The following SYNE1 variants were observed in gnomAD, a reference collection of about 807,000 sequenced individuals.
SYNE1 encodes spectrin repeat containing nuclear envelope protein 1.
SYNE1 carries 616 observed loss-of-function variants against 1,111.0 expected under a neutral mutation model. That is an observed-to-expected ratio of 0.55 (90% confidence interval 0.52 to 0.59). The LOEUF (loss-of-function observed/expected upper bound fraction) is 0.59. Among genes scored for constraint, SYNE1 ranks in the 20% least tolerant of loss-of-function variants. The probability of loss-of-function intolerance (pLI) is 0.00; values close to 1 mark genes in which losing one functional copy is unlikely to be tolerated. For missense variants in SYNE1, 10,006 were observed against 10,417.0 expected (o/e 0.96, Z 1.72); for synonymous variants, 3,855 against 3,825.8 (o/e 1.01, Z -0.28).
chr6:152,188,957 CAAAAAAAAAAA>C (rs1159424311), intron 128 of SYNE1, among the ~76,000 whole-genome samples: 10 of 49,074 alleles, frequency 2.0e-4, no homozygotes, highest in East Asian at 9.6e-4. Context: ...GACTCTGTCT[CAAAAAAAAAAA>C]AAAAAAAAAA....
rs1432189429 is a variant in SYNE1 at position 152,404,114 on chromosome 6, T to C, written c.6825+99A>G. 36 of 716,950 alleles carry C rather than the reference T, an allele frequency of 5.0e-5. No homozygotes were observed. In the African/African-American group the frequency reaches 6.2e-4, roughly 12 times the overall value. 44.4% of individuals were successfully genotyped at this position (716,950 alleles called of 1,614,324 possible). On this transcript the variant is annotated intron_variant, in intron 46 of 145. Transcript: ENST00000367255. ...GATATAGATATATGAGATATATATATATACACACACACACACACACACAGA... is the reference window on the plus strand; with the variant it reads ...GATATAGATATATGAGATATATATACATACACACACACACACACACACAGA...
At chr6:152,442,351 A>C in intron 30 of SYNE1, 106 bp from the exon 31 acceptor site, 2 of 1,349,668 alleles carry the variant, frequency 1.5e-6, no homozygotes, top group Non-Finnish European at 2.1e-6. Flanking sequence ...TGGGCCCGAA[A>C]TGTATTTTAA....
rs75463550 is a variant in SYNE1 at position 152,549,706 on chromosome 6, A to G, written c.68-9685T>C. Reference sequence around the variant, plus strand: ...TACAGCTGTGGGCTTGAGGGAAAAGATGAGTTAAGAGAATTTTTAGGGAGT... The same window carrying G: ...TACAGCTGTGGGCTTGAGGGAAAAGGTGAGTTAAGAGAATTTTTAGGGAGT... On this transcript the variant is annotated intron_variant, in intron 3 of 145. Coordinates refer to ENST00000367255, the MANE Select transcript of SYNE1 (RefSeq NM_182961.4). 7.7e-3 allele frequency among the ~76,000 whole-genome samples: 1,180 copies of G among 152,296 alleles called. 21 individuals carry two copies. Among genetic ancestry groups the G allele is most frequent in the African/African-American group, 0.027 (1,126 of 41,562 alleles).
intron 8 of SYNE1, among the ~76,000 whole-genome samples, chr6:152,508,590 T>A (rs562484521): frequency 2.6e-5 from 4 of 152,318 alleles, no homozygotes; most frequent in Non-Finnish European, 2.9e-5. Context: ...GACCACAGAA[T>A]ATCACCTTGA....
At chr6:152,454,053 C>CTGA (rs2098674728) in intron 24 of SYNE1, among the ~76,000 whole-genome samples, 1 of 152,128 alleles carries the variant, frequency 6.6e-6, no homozygotes, top group Non-Finnish European at 1.5e-5. Flanking sequence ...CTTCGGTTCC[C>CTGA]CTTTGGTGAA....
chr6:152,365,543 T>C (rs543183847), intron 62 of SYNE1, among the ~76,000 whole-genome samples: 1 of 152,278 alleles, frequency 6.6e-6, no homozygotes, highest in Non-Finnish European at 1.5e-5. Flanking sequence ...CACTGCAGCC[T>C]CAAACCCCTG....
intron 100 of SYNE1, among the ~76,000 whole-genome samples, chr6:152,267,735 C>T (rs894434363): frequency 6.6e-6 from 1 of 152,286 alleles, no homozygotes; most frequent in East Asian, 1.9e-4. Context: ...CAGTGAGATA[C>T]AATCATTCAG....
intron 130 of SYNE1, 51 bp from the exon 131 acceptor site, chr6:152,164,376 G>A: frequency 6.2e-7 from 1 of 1,608,304 alleles, no homozygotes; most frequent in South Asian, 1.1e-5. Flanking sequence ...GCCCACTCAT[G>A]TTTCTCTAGC....
chr6:152,401,223 T>C lies in SYNE1; in HGVS notation c.6944A>G (p.Asp2315Gly), dbSNP rs1395736433. 6.2e-6 allele frequency: 10 copies of C among 1,614,196 alleles called. No homozygotes were observed. The highest frequency in any genetic ancestry group is 5.0e-5 in the Admixed American group (3 of 60,024). Residue 2315 changes from aspartate to glycine, a missense_variant, in exon 47 of 146, where the codon GAC (aspartate) becomes GGC (glycine). By Grantham distance (94) the Asp-to-Gly change is moderately conservative (BLOSUM62 -1). Transcript: ENST00000367255. ...CACTTTTGTGAACCATGTTGTTATG[T>C]CATTAATAAACTTCTCCACTTGTGT... ...QSTQVEKFIN[D>G]ITTWFTKVEE...
intron 104 of SYNE1, among the ~76,000 whole-genome samples, chr6:152,251,737 T>C (rs1253173147): frequency 4.0e-5 from 6 of 151,596 alleles, no homozygotes; most frequent in Non-Finnish European, 8.8e-5. Context: ...CCAGCCTGGG[T>C]GACAGAGCGA....
Position 152,441,153 on chromosome 6 carries a change from A to G in SYNE1, c.4126T>C (p.Ser1376Pro), listed in dbSNP as rs1260597261. The G allele has an allele frequency of 6.2e-7, 1 of 1,613,726 alleles. No homozygotes were observed. Among genetic ancestry groups the G allele is most frequent in the Admixed American group, 1.7e-5 (1 of 60,020 alleles). Reference sequence around the variant, plus strand: ...ACCTTTGTTTGTTCCAGTTCTGAAGATAAACTTTCCAAACTGCTAAAACTC... The same window carrying G: ...ACCTTTGTTTGTTCCAGTTCTGAAGGTAAACTTTCCAAACTGCTAAAACTC... Reference protein sequence around the residue: ...FLSFSSLESLSSELEQTKEFS... With the variant: ...FLSFSSLESLPSELEQTKEFS... Residue 1376 changes from serine (S) to proline (P), a missense_variant, in exon 32 of 146, where the codon TCT (serine) becomes CCT (proline). Transcript: ENST00000367255.
intron 16 of SYNE1, among the ~76,000 whole-genome samples, chr6:152,470,694 A>G (rs2098800733): frequency 6.6e-6 from 1 of 152,182 alleles, no homozygotes; most frequent in Non-Finnish European, 1.5e-5. Context: ...AAGTACTTCA[A>G]GCAGAACATG....
chr6:152,318,958 G>A lies in SYNE1; in HGVS notation c.16294C>T (p.Arg5432Trp), dbSNP rs575137601. The A allele has an allele frequency of 1.9e-5, 30 of 1,614,122 alleles. No homozygotes were observed. The highest frequency in any genetic ancestry group is 1.2e-4 in the South Asian group (11 of 91,068). ...QSKATSQELS[R>W]QIQKLAKDLT... is the part of the protein sequence containing the mutation. The stretch of plus-strand genomic sequence containing the variant: ...TCTTTAGCTAACTTCTGAATTTGCC[G>A]GCTGAGTTCCTGGCTCGTGGCCTTG... The change falls in exon 85 of 146, where the codon CGG becomes TGG. Residue 5432 changes from arginine (R) to tryptophan (W), a missense_variant. By Grantham distance (101) the Arg-to-Trp change is moderately radical. Transcript: ENST00000367255.
intron 3 of SYNE1, among the ~76,000 whole-genome samples, chr6:152,545,700 T>C (rs549761301): frequency 2.6e-5 from 4 of 152,230 alleles, no homozygotes; most frequent in African/African-American, 9.6e-5. Flanking sequence ...CATGCATTGA[T>C]ACATTTATAG....
intron 3 of SYNE1, among the ~76,000 whole-genome samples, chr6:152,591,709 C>G (rs760551586): frequency 5.9e-5 from 9 of 152,090 alleles, no homozygotes; most frequent in Non-Finnish European, 1.3e-4. Flanking sequence ...AATCTATCAA[C>G]AGAGCAAACA....
intron 8 of SYNE1, 37 bp from the exon 9 acceptor site, chr6:152,505,434 T>C: frequency 3.1e-6 from 5 of 1,607,376 alleles, no homozygotes; most frequent in Non-Finnish European, 2.6e-6. Flanking sequence ...TGTCACATTC[T>C]GAATAGATAC....
chr6:152,625,746 C>T (rs2099684413), intron 3 of SYNE1, among the ~76,000 whole-genome samples: 1 of 152,024 alleles, frequency 6.6e-6, no homozygotes, highest in Admixed American at 6.6e-5. Context: ...TATTAACATT[C>T]CTCCAAAAAT....
chr6:152,324,714 T>A lies in SYNE1; in HGVS notation c.15657+370A>T, dbSNP rs530496657. On this transcript the variant is annotated intron_variant, in intron 81 of 145. Transcript: ENST00000367255. ...TACTCGGGAGGCTGAGGCAGGAGAA[T>A]GGCGTGAACCCGGGAGGCGGAGCTT... Among the ~76,000 whole-genome samples the A allele has an allele frequency of 3.9e-5, 6 of 152,068 alleles. No homozygotes were observed. The South Asian group carries it at 1.2e-3, about 32-fold the overall frequency.
At chr6:152,456,945 G>T (rs1437275393) in intron 22 of SYNE1, 1 of 236,374 alleles carries the variant, frequency 4.2e-6, no homozygotes, top group African/African-American at 2.3e-5. Context: ...GAAAACTTAG[G>T]AGATAAAAGG....
Sources: gnomAD v4.1 joint callset for allele counts (sites outside exome capture counted in the v4.1 genomes callset) on GRCh38, gnomAD v4.1.1 for gene constraint, MANE v1.5 for transcripts, NCBI Gene and HGNC (gene_info 2026-07-23, HGNC 2026-07-21) for gene names.